Variants in GPR160 observed in about 807,000 individuals in gnomAD.
The protein encoded by GPR160 is G protein-coupled receptor 160.
A neutral mutation model predicts 2.6 loss-of-function variants in GPR160; 2 were observed. That is an observed-to-expected ratio of 0.77 (90% confidence interval 0.32 to 2.44). The LOEUF (loss-of-function observed/expected upper bound fraction) is 2.44, where lower values mean the gene tolerates loss of function less well. GPR160 is among the 30% of genes most tolerant of loss of function. The pLI is 0.11. For synonymous variants in GPR160, 130 were observed against 132.2 expected (o/e 0.98, Z 0.12); for missense variants, 351 against 383.6 (o/e 0.91, Z 0.71).
intron 2 of GPR160, among the ~76,000 whole-genome samples, chr3:170,075,041 C>T (rs936969295): frequency 1.3e-5 from 2 of 152,036 alleles, no homozygotes; most frequent in Non-Finnish European, 2.9e-5. Context: ...GCCTGGCCAA[C>T]ATGGTGGAAA....
chr3:170,059,530 T>C (rs1442768246), intron 2 of GPR160, among the ~76,000 whole-genome samples: 1 of 152,234 alleles, frequency 6.6e-6, no homozygotes, highest in East Asian at 1.9e-4. Flanking sequence ...AATATACTAA[T>C]GTCATTGGGA....
chr3:170,059,373 G>T (rs1711821136), intron 2 of GPR160, among the ~76,000 whole-genome samples: 1 of 152,150 alleles, frequency 6.6e-6, no homozygotes, highest in Admixed American at 6.5e-5. Flanking sequence ...AGAGTACTCA[G>T]ACTGTATAAG....
intron 2 of GPR160, among the ~76,000 whole-genome samples, chr3:170,073,731 A>ATTC (rs1182220383): frequency 2.6e-5 from 4 of 152,234 alleles, no homozygotes; most frequent in African/African-American, 9.6e-5. Flanking sequence ...TATCAAGGTA[A>ATTC]TTCTAGTCCT....
intron 2 of GPR160, among the ~76,000 whole-genome samples, chr3:170,075,838 T>C (rs1236708433): frequency 6.6e-6 from 1 of 152,234 alleles, no homozygotes; most frequent in Non-Finnish European, 1.5e-5. Context: ...CTCTGCTTGC[T>C]GTCTTCTGCC....
At chr3:170,063,547 A>C (rs567298156) in intron 2 of GPR160, among the ~76,000 whole-genome samples, 6 of 109,778 alleles carry the variant, frequency 5.5e-5, no homozygotes, top group African/African-American at 1.9e-4. Context: ...AACAAACAAA[A>C]AAAGCAAAAA....
chr3:170,076,700 C>T (rs140248486), intron 2 of GPR160, among the ~76,000 whole-genome samples: 1 of 151,984 alleles, frequency 6.6e-6, no homozygotes, highest in Admixed American at 6.5e-5. Flanking sequence ...CCCGCCACCA[C>T]GCCTGGCTAA....
chr3:170,062,307 A>C (rs1712003847), intron 2 of GPR160: 1 of 204,620 alleles, frequency 4.9e-6, no homozygotes, highest in Non-Finnish European at 9.8e-6. Flanking sequence ...GACGGCCCCG[A>C]GCCCGCAGAT....
At chr3:170,081,736 C>T (rs757808701) in intron 3 of GPR160, among the ~76,000 whole-genome samples, 180 of 152,142 alleles carry the variant, frequency 1.2e-3, no homozygotes, top group Admixed American at 2.8e-3. Context: ...ACCCTCCTCC[C>T]TCAAGTAGAC....
chr3:170,043,319 T>A (rs1198282092), intron 2 of GPR160, among the ~76,000 whole-genome samples: 1 of 152,112 alleles, frequency 6.6e-6, no homozygotes. Context: ...GTAGCTGGGA[T>A]TACAGGTGCC....
At chr3:170,057,329 A>G (rs1711697358) in intron 2 of GPR160, 1 of 152,218 alleles carries the variant, frequency 6.6e-6, no homozygotes, top group African/African-American at 2.4e-5. Context: ...TTTCATAGCC[A>G]GTGAAGTTTA....
intron 2 of GPR160, among the ~76,000 whole-genome samples, chr3:170,041,426 C>G (rs1025922937): frequency 6.6e-6 from 1 of 151,888 alleles, no homozygotes; most frequent in East Asian, 1.9e-4. Flanking sequence ...CTCAGCCTCC[C>G]GAGCAGCTGG....
intron 2 of GPR160, among the ~76,000 whole-genome samples, chr3:170,045,437 A>AAAAAAAAAAAAAAAAT (rs1716673999): frequency 9.5e-6 from 1 of 104,960 alleles, no homozygotes; most frequent in Non-Finnish European, 2.0e-5. Flanking sequence ...AAAAAAAAAA[A>AAAAAAAAAAAAAAAAT]AAAAAAAAAA....
chr3:170,083,743 T>C (rs1713258983), intron 3 of GPR160, among the ~76,000 whole-genome samples, 162 bp from the exon 4 acceptor site: 1 of 152,236 alleles, frequency 6.6e-6, no homozygotes, highest in African/African-American at 2.4e-5. Context: ...AGTATACACA[T>C]TAATTTTGTT....
chr3:170,076,403 T>C (rs181303883), intron 2 of GPR160, among the ~76,000 whole-genome samples: 2 of 152,334 alleles, frequency 1.3e-5, no homozygotes, highest in African/African-American at 4.8e-5. Flanking sequence ...ACATTTCAAA[T>C]ACAAACTCTT....
At chr3:170,062,671 G>T in intron 2 of GPR160, 1 of 1,443,412 alleles carries the variant, frequency 6.9e-7, no homozygotes, top group Non-Finnish European at 9.6e-7. Context: ...AGCAAGCCTT[G>T]AAATAGCCCA....
At chr3:170,064,077 G>T (rs1030657371) in intron 2 of GPR160, among the ~76,000 whole-genome samples, 1 of 152,170 alleles carries the variant, frequency 6.6e-6, no homozygotes, top group African/African-American at 2.4e-5. Flanking sequence ...GTCTTGAAGT[G>T]AGTGAAGCGG....
rs1335829663 is a variant in GPR160 at position 170,085,112 on chromosome 3, G to C, written c.*123G>C. 6 of 483,904 alleles carry C rather than the reference G, an allele frequency of 1.2e-5. No homozygotes were observed. Among genetic ancestry groups the C allele is most frequent in the Non-Finnish European group, 1.1e-5 (3 of 270,672 alleles). 30.0% of individuals were successfully genotyped at this position (483,904 alleles called of 1,614,324 possible). A position where few individuals can be genotyped will look rare whatever the true frequency, so the allele number is the denominator to read the frequency against. ...TTGCCCCCTGACTGATAGCATTTCA[G>C]AATGTGTCTTTTGAAGGGCTATGAT... On this transcript the variant is annotated 3_prime_UTR_variant, in exon 4 of 4. Coordinates refer to ENST00000355897, the MANE Select transcript of GPR160 (RefSeq NM_014373.3).
At chr3:170,074,094 G>A (rs1712735041) in intron 2 of GPR160, among the ~76,000 whole-genome samples, 1 of 151,680 alleles carries the variant, frequency 6.6e-6, no homozygotes, top group South Asian at 2.1e-4. Flanking sequence ...TCACCATATT[G>A]GCCAGGATGG....
intron 2 of GPR160, among the ~76,000 whole-genome samples, chr3:170,050,303 G>C (rs1158100932): frequency 6.6e-6 from 1 of 151,798 alleles, no homozygotes; most frequent in East Asian, 1.9e-4. Flanking sequence ...GAGTGCACTG[G>C]TGCGATCTCA....
Sources: allele counts gnomAD v4.1 joint callset (sites outside exome capture counted in the v4.1 genomes callset), GRCh38; gene constraint gnomAD v4.1.1; transcripts MANE v1.5; gene names NCBI Gene and HGNC (gene_info 2026-07-23, HGNC 2026-07-21).